Variants in ECRG4 observed in about 807,000 individuals in gnomAD.
The protein encoded by ECRG4 is ECRG4 augurin precursor.
In ECRG4, 18 loss-of-function variants were observed where a neutral mutation model predicts 15.8. The observed-to-expected ratio is 1.14, with a 90% CI of 0.79 to 1.69. The LOEUF (loss-of-function observed/expected upper bound fraction) is 1.69. Ranked by LOEUF, ECRG4 falls within the 40% of genes most tolerant of loss-of-function variation. The pLI is 0.00. For synonymous variants in ECRG4, 82 were observed against 73.9 expected, an observed-to-expected ratio of 1.11 and a Z score of -0.56; for missense variants, 200 against 190.9, an observed-to-expected ratio of 1.05 and a Z score of -0.28.
intron 3 of ECRG4, chr2:106,074,385 C>A: frequency 4.4e-6 from 1 of 226,940 alleles, no homozygotes; most frequent in Non-Finnish European, 8.8e-6. Context: ...AACTCACAAT[C>A]CCCCAAAACC....
chr2:106,069,859 A>C (rs1255815530), intron 1 of ECRG4, among the ~76,000 whole-genome samples: 1 of 152,144 alleles, frequency 6.6e-6, no homozygotes, highest in East Asian at 1.9e-4. Context: ...TTCTTTTTTT[A>C]AGTATCCTTT....
intron 1 of ECRG4, among the ~76,000 whole-genome samples, chr2:106,067,954 C>A (rs1462023485): frequency 4.6e-5 from 7 of 151,968 alleles, no homozygotes; most frequent in Non-Finnish European, 8.8e-5. Context: ...CCCACCTCAG[C>A]CTCCCGAGTA....
At chr2:106,075,691 C>T (rs902529248) in intron 3 of ECRG4, among the ~76,000 whole-genome samples, 2 of 152,028 alleles carry the variant, frequency 1.3e-5, no homozygotes, top group African/African-American at 4.8e-5. Flanking sequence ...CACTGCACTC[C>T]AGCCTGGGCA....
intron 3 of ECRG4, among the ~76,000 whole-genome samples, chr2:106,074,618 C>T (rs554345917): frequency 1.3e-5 from 2 of 152,308 alleles, no homozygotes; most frequent in East Asian, 1.9e-4. Flanking sequence ...AGTTTATGAT[C>T]GTAGGCTCCC....
chr2:106,070,210 G>A (rs1423709483), intron 1 of ECRG4, among the ~76,000 whole-genome samples: 1 of 152,176 alleles, frequency 6.6e-6, no homozygotes, highest in Non-Finnish European at 1.5e-5. Flanking sequence ...AAGGACAAGA[G>A]GTATATACCA....
chr2:106,074,729 G>C (rs1676449911), intron 3 of ECRG4, among the ~76,000 whole-genome samples: 1 of 152,216 alleles, frequency 6.6e-6, no homozygotes, highest in Admixed American at 6.5e-5. Flanking sequence ...AGCTCCCTGT[G>C]TGAGACGTAA....
At chr2:106,070,891 G>A (rs556823333) in intron 1 of ECRG4, 117 of 470,846 alleles carry the variant, frequency 2.5e-4, no homozygotes, top group Non-Finnish European at 4.0e-4. Context: ...CCTTACACCC[G>A]AAGTTGCTCT....
At chr2:106,074,222 G>A (rs991592573) in intron 3 of ECRG4, 179 bp downstream of exon 3, 6 of 702,170 alleles carry the variant, frequency 8.5e-6, no homozygotes, top group Admixed American at 3.0e-5. Context: ...GTGTAAGGGC[G>A]ATGGCTGGAA....
chr2:106,063,948 T>C (rs1676152556), upstream of ECRG4, among the ~76,000 whole-genome samples: 1 of 152,210 alleles, frequency 6.6e-6, no homozygotes, highest in African/African-American at 2.4e-5. Context: ...GTAAGGGGGA[T>C]GATCTCCACA....
At chr2:106,068,605 C>T (rs1237781846) in intron 1 of ECRG4, among the ~76,000 whole-genome samples, 1 of 152,212 alleles carries the variant, frequency 6.6e-6, no homozygotes, top group Non-Finnish European at 1.5e-5. Context: ...TGCCTACACG[C>T]AGTGTCTATT....
intron 1 of ECRG4, 29 bp from the exon 2 acceptor site, chr2:106,071,815 G>C: frequency 6.2e-7 from 1 of 1,601,462 alleles, no homozygotes; most frequent in Non-Finnish European, 8.6e-7. Flanking sequence ...GTATAACTCT[G>C]ATATGGATTT....
intron 1 of ECRG4, 35 bp downstream of exon 1, chr2:106,065,878 C>G: frequency 6.9e-7 from 1 of 1,453,198 alleles, no homozygotes; most frequent in Non-Finnish European, 9.0e-7. Context: ...TTGATAGCGG[C>G]ACCAGGGGTT....
intron 2 of ECRG4, among the ~76,000 whole-genome samples, chr2:106,073,055 T>G (rs1213192135): frequency 6.6e-6 from 1 of 152,202 alleles, no homozygotes; most frequent in Non-Finnish European, 1.5e-5. Flanking sequence ...GACCAACGAA[T>G]GCACCAGGCC....
chr2:106,065,658 G>C (rs1348475122), upstream of ECRG4: 2 of 833,624 alleles, frequency 2.4e-6, no homozygotes, highest in Admixed American at 4.2e-5. Context: ...GCGACGCAGG[G>C]ATAACCCGCG....
At position 106,077,871 on chromosome 2, in the gene ECRG4, C is replaced by A. The variant is rs1410455822; in HGVS notation, c.392C>A (p.Pro131His). 2 of 1,614,090 alleles carry A rather than the reference C, an allele frequency of 1.2e-6. No individual in the cohort carries two copies. Among genetic ancestry groups the A allele is most frequent in the Non-Finnish European group, 1.7e-6 (2 of 1,180,006 alleles). The change falls in exon 4 of 4, where the codon CCC (proline) becomes CAC (histidine). Residue 131 changes from proline (P) to histidine (H), a missense_variant. Coordinates refer to ENST00000238044, the MANE Select transcript of ECRG4 (RefSeq NM_032411.3). ...RHYDEDSAIG[P>H]RSPYGFRHGA... ...TATGATGAAGACTCTGCAATTGGTC[C>A]CCGGAGCCCCTACGGCTTTAGGCAT...
At chr2:106,068,427 A>G (rs1676270124) in intron 1 of ECRG4, among the ~76,000 whole-genome samples, 1 of 152,190 alleles carries the variant, frequency 6.6e-6, no homozygotes, top group South Asian at 2.1e-4. Context: ...AGTTATATGT[A>G]CTGATATGGA....
At chr2:106,073,688 A>G in intron 2 of ECRG4, 198 bp from the exon 3 acceptor site, 1 of 673,240 alleles carries the variant, frequency 1.5e-6, no homozygotes, top group African/African-American at 1.8e-5. Flanking sequence ...GTTGTACCAA[A>G]TAACACTTAC....
At chr2:106,072,152 A>G in intron 2 of ECRG4, 1 of 414,106 alleles carries the variant, frequency 2.4e-6, no homozygotes, top group South Asian at 4.2e-5. Flanking sequence ...ACAGTAGTAC[A>G]GTGTTAATTG....
At chr2:106,066,818 AG>A (rs1184189784) in intron 1 of ECRG4, among the ~76,000 whole-genome samples, 2 of 152,146 alleles carry the variant, frequency 1.3e-5, no homozygotes, top group Non-Finnish European at 2.9e-5. Flanking sequence ...GAGAAGAGGC[AG>A]GGGACATTCA....
Sources: allele counts gnomAD v4.1 joint callset (sites outside exome capture counted in the v4.1 genomes callset), GRCh38; gene constraint gnomAD v4.1.1; transcripts MANE v1.5; gene names NCBI Gene and HGNC (gene_info 2026-07-23, HGNC 2026-07-21).